PFKFB4: variants seen among roughly 807,000 people sequenced by gnomAD.
PFKFB4 encodes 6-phosphofructo-2-kinase/fructose-2,6-bisphosphatase 4.
In PFKFB4, 42 loss-of-function variants were observed where a neutral mutation model predicts 62.8. That is an observed-to-expected ratio of 0.67 (90% CI 0.52 to 0.86). The LOEUF is 0.86. Among genes scored for constraint, PFKFB4 ranks in the 40% least tolerant of loss-of-function variants. PFKFB4 has a pLI of 0.00. For missense variants in PFKFB4, 475 were observed against 627.2 expected, an observed-to-expected ratio of 0.76 and a Z score of 2.59; for synonymous variants, 204 against 240.7, an observed-to-expected ratio of 0.85 and a Z score of 1.41.
chr3:48,552,489 A>G (rs2043186012), intron 1 of PFKFB4, among the ~76,000 whole-genome samples: 1 of 152,230 alleles, frequency 6.6e-6, no homozygotes, highest in Admixed American at 6.5e-5. Context: ...GAGTGGAGAA[A>G]CTTGCAGAGA....
In PFKFB4 at chr3:48,550,116, A is replaced by C. The variant is rs1393052214; in HGVS notation, c.214+2T>G. 1 of 1,602,512 alleles carries C rather than the reference A, an allele frequency of 6.2e-7. No homozygotes were observed. Among genetic ancestry groups the C allele is most frequent in the Non-Finnish European group, 8.5e-7 (1 of 1,169,632 alleles). On this transcript the variant is annotated splice_donor_variant, in intron 2 of 13. Coordinates refer to ENST00000232375, the MANE Select transcript of PFKFB4 (RefSeq NM_004567.4). LOFTEE classifies it high-confidence loss of function. ...CCTTAGACAGCTGGGGCCAAGCCTC[A>C]CCCCGAGTGGGCACACCAATCCAGT...
intron 1 of PFKFB4, among the ~76,000 whole-genome samples, chr3:48,553,212 G>A (rs1263570209): frequency 6.6e-6 from 1 of 152,222 alleles, no homozygotes; most frequent in African/African-American, 2.4e-5. Flanking sequence ...GATGGCACAT[G>A]CCTGTAATCC....
At position 48,519,585 on chromosome 3, in the gene PFKFB4, G is replaced by C. The variant is rs772263486; in HGVS notation, c.*162C>G. The C allele has an allele frequency of 2.1e-5, 13 of 618,038 alleles. 1 individual carries two copies. The highest frequency in any genetic ancestry group is 4.5e-4 in the Middle Eastern group (1 of 2,246). 38.3% of individuals were successfully genotyped at this position (618,038 alleles called of 1,614,324 possible). On this transcript the variant is annotated 3_prime_UTR_variant, in exon 14 of 14. Coordinates refer to ENST00000232375, the MANE Select transcript of PFKFB4 (RefSeq NM_004567.4). ...AACCTTGTCGCCGACTGTCAACAAA[G>C]AGCCAGGTGGGCTGGGGTGGGGGCT...
chr3:48,535,519 A>G lies in PFKFB4; in HGVS notation c.980T>C (p.Ile327Thr). The stretch of plus-strand genomic sequence containing the variant: ...GGGAGGGACGGTAACTACCGCATCG[A>G]TCTCGTTGAGGACCTTCCACTGTTC... ...PYEQWKVLNEIDAGVCEEMTY... is the reference protein window; with the variant it reads ...PYEQWKVLNETDAGVCEEMTY... Residue 327 changes from isoleucine to threonine, a missense_variant, in exon 9 of 14, where the codon ATC becomes ACC. Transcript: ENST00000232375. 1 of 1,613,470 alleles carries G rather than the reference A, an allele frequency of 6.2e-7. No homozygotes were observed. The highest frequency in any genetic ancestry group is 8.5e-7 in the Non-Finnish European group (1 of 1,179,602).
At chr3:48,560,965 A>C, upstream of PFKFB4, 1 of 547,008 alleles carries the variant, frequency 1.8e-6, no homozygotes, top group Non-Finnish European at 2.5e-6. Context: ...GAGACCCCCC[A>C]ACACTCTCGC....
intron 4 of PFKFB4, among the ~76,000 whole-genome samples, chr3:48,543,366 G>A (rs535775891): frequency 1.3e-5 from 2 of 152,296 alleles, no homozygotes; most frequent in South Asian, 2.1e-4. Flanking sequence ...GGTCAAATGC[G>A]GCCACCACAT....
rs769533229 is a variant in PFKFB4, at chr3:48,519,926, C to G, written c.1351-120G>C. 6.6e-6 allele frequency: 5 copies of G among 754,164 alleles called. No homozygotes were observed. The Admixed American group carries it at 1.0e-4, about 16-fold the overall frequency. 46.7% of individuals were successfully genotyped at this position (754,164 alleles called of 1,614,324 possible). A position where few individuals can be genotyped will look rare whatever the true frequency, so the allele number is the denominator to read the frequency against. The stretch of plus-strand genomic sequence containing the variant: ...ACATTCTCACTGTAGCAGCCACAGC[C>G]GCAAGACTCTAGACCACAAGCTTCC... On this transcript the variant is annotated intron_variant, in intron 13 of 13. Transcript: ENST00000232375.
At chr3:48,544,333 C>T (rs959930416) in intron 3 of PFKFB4, among the ~76,000 whole-genome samples, 6 of 152,080 alleles carry the variant, frequency 3.9e-5, no homozygotes, top group Admixed American at 6.6e-5. Flanking sequence ...GTTCCCCAAA[C>T]CACCCCTTCT....
intron 9 of PFKFB4, among the ~76,000 whole-genome samples, chr3:48,528,199 C>A (rs1333629731): frequency 6.6e-6 from 1 of 152,062 alleles, no homozygotes; most frequent in East Asian, 1.9e-4. Context: ...CTGATGGTAA[C>A]AAGCGCAGGC....
chr3:48,544,083 C>T (rs978134024), intron 3 of PFKFB4, among the ~76,000 whole-genome samples: 6 of 148,766 alleles, frequency 4.0e-5, no homozygotes, highest in East Asian at 2.0e-4. Context: ...GGTGCGATCT[C>T]GGCTCACTGC....
In PFKFB4 at chr3:48,550,157, G is replaced by C. The variant is rs1316901404; in HGVS notation, c.175C>G (p.Leu59Val). 1.2e-6 allele frequency: 2 copies of C among 1,614,014 alleles called. No individual in the cohort carries two copies. Among genetic ancestry groups the C allele is most frequent in the African/African-American group, 1.3e-5 (1 of 74,938 alleles). Reference sequence around the variant, plus strand: ...CCAATCCAGTTCAGGTATCGAGTCAGCTTCTTGGAGATGTAGGTCTTGCCC... The same window carrying C: ...CCAATCCAGTTCAGGTATCGAGTCACCTTCTTGGAGATGTAGGTCTTGCCC... ...ARGKTYISKKLTRYLNWIGVP... is the reference protein window; with the variant it reads ...ARGKTYISKKVTRYLNWIGVP... Residue 59 changes from leucine to valine, a missense_variant, in exon 2 of 14, where the codon CTG (leucine) becomes GTG (valine). Transcript: ENST00000232375.
At chr3:48,554,447 C>T (rs2043251309) in intron 1 of PFKFB4, among the ~76,000 whole-genome samples, 1 of 152,222 alleles carries the variant, frequency 6.6e-6, no homozygotes, top group Non-Finnish European at 1.5e-5. Flanking sequence ...GGTGCTACCT[C>T]CTCCTCCAGG....
intron 3 of PFKFB4, 82 bp downstream of exon 3, chr3:48,549,782 G>C: frequency 1.1e-6 from 1 of 884,956 alleles, no homozygotes; most frequent in South Asian, 1.4e-5. Flanking sequence ...GGGCTTCTCA[G>C]TAAATGGTCA....
chr3:48,538,502 C>T lies in PFKFB4; in HGVS notation c.628G>A (p.Asp210Asn). The change falls in exon 7 of 14, where the codon GAT (aspartate) becomes AAT (asparagine). Residue 210 changes from aspartate (D) to asparagine (N), a missense_variant. By Grantham distance (23) the Asp-to-Asn change is conservative. Transcript: ENST00000232375. ...NSYESLDEDL[D>N]RDLSYIKIMD... ...CCTGGCGCTGCCCTGACTCACCTAT[C>T]CAGGTCCTCATCTAGCGACTCGTAG... is the stretch of plus-strand genomic sequence containing the variant. The T allele has an allele frequency of 6.2e-7, 1 of 1,614,034 alleles. No individual in the cohort carries two copies. Among genetic ancestry groups the T allele is most frequent in the Non-Finnish European group, 8.5e-7 (1 of 1,180,018 alleles).
upstream of PFKFB4, chr3:48,562,759 C>G: frequency 6.6e-7 from 1 of 1,519,622 alleles, no homozygotes; most frequent in Non-Finnish European, 8.8e-7. This position sits in a 1 kb window ranked among gnomAD's most constrained non-coding sequence, Gnocchi z 4.3. Context: ...CAGGGTGGCC[C>G]TATCACTGTG....
At chr3:48,544,921 G>A (rs199841390) in intron 3 of PFKFB4, among the ~76,000 whole-genome samples, 2 of 151,762 alleles carry the variant, frequency 1.3e-5, no homozygotes, top group African/African-American at 2.4e-5. Flanking sequence ...ATGGGGTTTC[G>A]CCATGTTAGC....
chr3:48,556,913 C>A (rs2043343380), upstream of PFKFB4: 2 of 1,418,258 alleles, frequency 1.4e-6, no homozygotes, highest in Admixed American at 3.2e-5. This position sits in a 1 kb window ranked among gnomAD's most constrained non-coding sequence, Gnocchi z 5.7. Flanking sequence ...CCGCAGGTCC[C>A]GCCCCAGAGT....
In PFKFB4 at chr3:48,533,958, G is replaced by GGCA. The variant is rs2042512445; in HGVS notation, c.987+1551_987+1553dup. Among the ~76,000 whole-genome samples the GGCA allele has an allele frequency of 3.3e-5, 5 of 152,200 alleles. No homozygotes were observed. The South Asian group carries it at 1.0e-3, about 32-fold the overall frequency. On this transcript the variant is annotated intron_variant, in intron 9 of 13. Transcript: ENST00000232375. ...GAAGGGAAGCAAGCTGAGGGGAGGA[G>GGCA]GCAGCAGCTTACTGCCCAGAGGCAC...
rs572294802 is a variant in PFKFB4 at position 48,552,297 on chromosome 3, T to C, written c.98-2063A>G. Among the ~76,000 whole-genome samples, 193 of 152,252 alleles carry C rather than the reference T, an allele frequency of 1.3e-3. 1 individual carries two copies. Among genetic ancestry groups the C allele is most frequent in the Non-Finnish European group, 2.5e-3 (171 of 68,036 alleles). On this transcript the variant is annotated intron_variant, in intron 1 of 13. Coordinates refer to ENST00000232375, the MANE Select transcript of PFKFB4 (RefSeq NM_004567.4). ...AGGTGTACCTCGGCACCGACTGCCC[T>C]TGGGACTCAGGGCATGGAGGCGGTG...
Sources: allele counts gnomAD v4.1 joint callset (sites outside exome capture counted in the v4.1 genomes callset), GRCh38; gene constraint gnomAD v4.1.1; non-coding constraint Gnocchi (gnomAD v3.1); transcripts MANE v1.5; gene names NCBI Gene and HGNC (gene_info 2026-07-23, HGNC 2026-07-21).